The following KCNIP4 variants were observed in gnomAD, a reference collection of about 807,000 sequenced individuals.
KCNIP4 encodes potassium voltage-gated channel interacting protein 4.
KCNIP4 carries 12 observed loss-of-function variants against 34.0 expected under a neutral mutation model. That is an observed-to-expected ratio of 0.35 (90% CI 0.23 to 0.57). The LOEUF (loss-of-function observed/expected upper bound fraction) is 0.57, where lower values mean the gene tolerates loss of function less well. KCNIP4 is among the 20% of genes least tolerant of loss of function. The probability of loss-of-function intolerance (pLI) is 0.83; values close to 1 mark genes in which losing one functional copy is unlikely to be tolerated. For missense variants in KCNIP4, 238 were observed against 311.7 expected (o/e 0.76, Z 1.78); for synonymous variants, 124 against 102.2 (o/e 1.21, Z -1.29).
At chr4:21,337,254 A>T (rs917160729) in intron 1 of KCNIP4, among the ~76,000 whole-genome samples, 2 of 152,206 alleles carry the variant, frequency 1.3e-5, no homozygotes, top group African/African-American at 4.8e-5. Context: ...TCATTATGTT[A>T]TCGATAACTT....
chr4:21,317,333 G>A (rs1176700706), intron 1 of KCNIP4, among the ~76,000 whole-genome samples: 1 of 152,006 alleles, frequency 6.6e-6, no homozygotes, highest in Non-Finnish European at 1.5e-5. Context: ...TAACTAATAT[G>A]AAGTTGTAAA....
intron 1 of KCNIP4, among the ~76,000 whole-genome samples, chr4:21,429,690 T>C (rs893096271): frequency 2.0e-5 from 3 of 152,194 alleles, no homozygotes; most frequent in Non-Finnish European, 4.4e-5. Context: ...TGTAATAGTG[T>C]CCCATTTTTG....
chr4:21,707,846 C>T (rs544476168), intron 1 of KCNIP4, among the ~76,000 whole-genome samples: 3 of 151,564 alleles, frequency 2.0e-5, no homozygotes, highest in East Asian at 3.9e-4. Flanking sequence ...TAGATTTATA[C>T]CTAGATTATA....
At chr4:21,240,470 A>G (rs2109048248) in intron 1 of KCNIP4, among the ~76,000 whole-genome samples, 1 of 152,290 alleles carries the variant, frequency 6.6e-6, no homozygotes, top group Non-Finnish European at 1.5e-5. Context: ...GCAGCAGATA[A>G]CAGACCCCAT....
chr4:21,012,606 C>T (rs1739154728), intron 1 of KCNIP4, among the ~76,000 whole-genome samples: 1 of 151,872 alleles, frequency 6.6e-6, no homozygotes, highest in African/African-American at 2.4e-5. Flanking sequence ...ACCTCCAAAA[C>T]ATTTAAACAT....
intron 1 of KCNIP4, among the ~76,000 whole-genome samples, chr4:21,033,217 C>T (rs1741163178): frequency 6.6e-6 from 1 of 152,174 alleles, no homozygotes. Flanking sequence ...AAGAACTCAT[C>T]CCTGTCTATC....
At chr4:21,590,517 G>T (rs555300796) in intron 1 of KCNIP4, among the ~76,000 whole-genome samples, 1 of 151,972 alleles carries the variant, frequency 6.6e-6, no homozygotes, top group African/African-American at 2.4e-5. Context: ...CGGTTGTCAG[G>T]AATCTCATAT....
chr4:21,689,880 T>C (rs938824417), intron 1 of KCNIP4, among the ~76,000 whole-genome samples: 12 of 151,924 alleles, frequency 7.9e-5, no homozygotes, highest in African/African-American at 2.2e-4. Context: ...CATTATTACA[T>C]GTTGATCTAC....
intron 1 of KCNIP4, among the ~76,000 whole-genome samples, chr4:21,720,010 AAGAAGAAGGAGAAGG>A (rs374409429): frequency 8.6e-6 from 1 of 116,608 alleles, no homozygotes; most frequent in African/African-American, 5.8e-5. Context: ...GAAAAAGAAG[AAGAAGAAGGAGAAGG>A]AGAAGGAGAA....
intron 1 of KCNIP4, among the ~76,000 whole-genome samples, chr4:21,585,608 G>A (rs1741553875): frequency 6.6e-6 from 1 of 151,970 alleles, no homozygotes; most frequent in African/African-American, 2.4e-5. Flanking sequence ...CAGGACAAGT[G>A]AAAAATATGC....
At chr4:21,674,579 T>G (rs1351943550) in intron 1 of KCNIP4, among the ~76,000 whole-genome samples, 3 of 152,206 alleles carry the variant, frequency 2.0e-5, no homozygotes, top group African/African-American at 7.2e-5. Flanking sequence ...TTCCCAACTG[T>G]AACCTCTCTC....
At chr4:21,210,705 G>T (rs915186854) in intron 1 of KCNIP4, among the ~76,000 whole-genome samples, 1 of 152,084 alleles carries the variant, frequency 6.6e-6, no homozygotes, top group South Asian at 2.1e-4. Flanking sequence ...CACTGAAAGA[G>T]CTATATGTTT....
At chr4:21,775,415 C>A (rs140161025) in intron 1 of KCNIP4, among the ~76,000 whole-genome samples, 3 of 152,186 alleles carry the variant, frequency 2.0e-5, no homozygotes, top group Non-Finnish European at 4.4e-5. Flanking sequence ...TATCTGACAA[C>A]CCCTGTTGGA....
chr4:21,391,143 C>T (rs1007268961), intron 1 of KCNIP4, among the ~76,000 whole-genome samples: 4 of 152,128 alleles, frequency 2.6e-5, no homozygotes, highest in South Asian at 4.2e-4. Context: ...ATCCTTTGCC[C>T]TTTTCAAATT....
chr4:21,313,672 T>A (rs981246785), intron 1 of KCNIP4, among the ~76,000 whole-genome samples: 5 of 152,166 alleles, frequency 3.3e-5, no homozygotes, highest in African/African-American at 1.2e-4. Context: ...ACCCATTAAA[T>A]AATACAAAGT....
At chr4:21,715,164 T>A (rs1169262285) in intron 1 of KCNIP4, among the ~76,000 whole-genome samples, 2 of 150,848 alleles carry the variant, frequency 1.3e-5, no homozygotes, top group East Asian at 3.9e-4. Flanking sequence ...CACTGCAAGC[T>A]CCGCCTCCCG....
At chr4:21,133,582 G>A (rs922455063) in intron 1 of KCNIP4, among the ~76,000 whole-genome samples, 2 of 152,240 alleles carry the variant, frequency 1.3e-5, no homozygotes, top group East Asian at 1.9e-4. Flanking sequence ...TTAATCAACC[G>A]TCTTCATCTT....
At chr4:20,746,071 T>A (rs1752350818) in intron 5 of KCNIP4, among the ~76,000 whole-genome samples, 1 of 152,130 alleles carries the variant, frequency 6.6e-6, no homozygotes, top group Admixed American at 6.6e-5. Context: ...TAAAGACACA[T>A]ACACATGTAT....
chr4:21,095,964 T>A (rs1448837839), intron 1 of KCNIP4, among the ~76,000 whole-genome samples: 1 of 152,160 alleles, frequency 6.6e-6, no homozygotes, highest in Non-Finnish European at 1.5e-5. Flanking sequence ...TAATACATAA[T>A]GTATATACTT....
Sources: allele counts gnomAD v4.1 joint callset (sites outside exome capture counted in the v4.1 genomes callset), GRCh38; gene constraint gnomAD v4.1.1; transcripts MANE v1.5; gene names NCBI Gene and HGNC (gene_info 2026-07-23, HGNC 2026-07-21).